FANCD2: variants seen among roughly 807,000 people sequenced by gnomAD.
FANCD2 encodes the protein FA complementation group D2.
In FANCD2, 131 loss-of-function variants were observed where a neutral mutation model predicts 192.3. That is an observed-to-expected ratio of 0.68 (90% CI 0.59 to 0.79). FANCD2 has a LOEUF of 0.79. FANCD2 is among the 30% of genes least tolerant of loss of function. The probability of loss-of-function intolerance (pLI) is 0.00; values close to 1 mark genes in which losing one functional copy is unlikely to be tolerated. For missense variants in FANCD2, 1,508 were observed against 1,701.6 expected (o/e 0.89, Z 2.00); for synonymous variants, 524 against 612.5 (o/e 0.86, Z 2.13).
At position 10,101,233 on chromosome 3, in the gene FANCD2, A is replaced by AGTGATGAGAGTT; in HGVS notation, c.4328_4339dup (p.Ser1446_Tyr1447insCysAspGluSer). 2 of 1,613,242 alleles carry AGTGATGAGAGTT rather than the reference A, an allele frequency of 1.2e-6. No individual in the cohort carries two copies. The highest frequency in any genetic ancestry group is 1.7e-6 in the Non-Finnish European group (2 of 1,179,294). On this transcript the variant is annotated inframe_insertion, in exon 44 of 44. Transcript: ENST00000675286. Reference sequence around the variant, plus strand: ...AAGTGCTGGAGAAAAGGAGCAAGATAGTGATGAGAGTTATGATGACTCTGA... The same window carrying AGTGATGAGAGTT: ...AAGTGCTGGAGAAAAGGAGCAAGATAGTGATGAGAGTTGTGATGAGAGTTATGATGACTCTGA...
chr3:10,031,663 C>T (rs374304935), intron 2 of FANCD2, among the ~76,000 whole-genome samples: 1 of 152,268 alleles, frequency 6.6e-6, no homozygotes, highest in East Asian at 1.9e-4. Context: ...TTAAACCTAT[C>T]TGAGCATTGT....
At chr3:10,043,257 C>G (rs2086910882) in intron 12 of FANCD2, 107 bp downstream of exon 12, 2 of 869,524 alleles carry the variant, frequency 2.3e-6, no homozygotes, top group African/African-American at 3.4e-5. Context: ...ACATTTACAT[C>G]TAGTATTATA....
At position 10,085,808 on chromosome 3, in the gene FANCD2, T is replaced by G. The variant is rs1427832846; in HGVS notation, c.3225-4T>G. On this transcript the variant is annotated splice_polypyrimidine_tract_variant and splice_region_variant and intron_variant, in intron 32 of 43. Transcript: ENST00000675286. The stretch of plus-strand genomic sequence containing the variant: ...GCTAACCCCTCTTACCTTGACTTCC[T>G]TAGGAGTGGATTTTCTCAACCTGAA... 2 of 1,602,884 alleles carry G rather than the reference T, an allele frequency of 1.2e-6. No individual in the cohort carries two copies. The highest frequency in any genetic ancestry group is 3.3e-5 in the Admixed American group (2 of 59,978).
Position 10,078,073 on chromosome 3 carries a change from T to C in FANCD2, c.2860-8T>C, listed in dbSNP as rs1449856758. ...TTCCTGGAACTAATCCTTTCCTCCATGTGACAGGCTACAGAAGTTGTGCAA... is the reference window on the plus strand; with the variant it reads ...TTCCTGGAACTAATCCTTTCCTCCACGTGACAGGCTACAGAAGTTGTGCAA... On this transcript the variant is annotated splice_region_variant and splice_polypyrimidine_tract_variant and intron_variant, in intron 29 of 43. Coordinates refer to ENST00000675286, the MANE Select transcript of FANCD2 (RefSeq NM_001018115.3). 1 of 1,571,198 alleles carries C rather than the reference T, an allele frequency of 6.4e-7. No homozygotes were observed. The highest frequency in any genetic ancestry group is 2.2e-5 in the East Asian group (1 of 44,644).
chr3:10,044,343 C>G (rs1038754261), intron 14 of FANCD2, among the ~76,000 whole-genome samples: 3 of 151,798 alleles, frequency 2.0e-5, no homozygotes, highest in Non-Finnish European at 4.4e-5. Flanking sequence ...TCTTATGTCT[C>G]TATTAATTCT....
At position 10,048,590 on chromosome 3, in the gene FANCD2, C is replaced by T. The variant is rs528861649; in HGVS notation, c.1413+539C>T. ...AAAGTGCTGGGATTATAGGCGTGAG[C>T]CATTGGGCCTGGCCGAGACACATTT... On this transcript the variant is annotated intron_variant, in intron 16 of 43. Transcript: ENST00000675286. Among the ~76,000 whole-genome samples the T allele has an allele frequency of 2.0e-5, 3 of 152,334 alleles. 1 individual carries two copies. The South Asian group carries it at 6.2e-4, about 32-fold the overall frequency.
In FANCD2 at chr3:10,098,818, A is replaced by G; in HGVS notation, c.4281+3A>G. ...CCTCCAAGAGCAAAGCCACTGAGGT[A>G]TCTCTACAAAACCCACCAGAGTCTG... On this transcript the variant is annotated splice_donor_region_variant and intron_variant, in intron 43 of 43. Coordinates refer to ENST00000675286, the MANE Select transcript of FANCD2 (RefSeq NM_001018115.3). 1 of 1,614,208 alleles carries G rather than the reference A, an allele frequency of 6.2e-7. No individual in the cohort carries two copies. Among genetic ancestry groups the G allele is most frequent in the South Asian group, 1.1e-5 (1 of 91,084 alleles).
intron 2 of FANCD2, among the ~76,000 whole-genome samples, chr3:10,031,191 G>A (rs2086582461): frequency 6.6e-6 from 1 of 152,058 alleles, no homozygotes; most frequent in Non-Finnish European, 1.5e-5. Context: ...GTCTCATTCT[G>A]ATTAAGGCTT....
chr3:10,100,314 C>G (rs1467999149), intron 43 of FANCD2, among the ~76,000 whole-genome samples: 1 of 152,234 alleles, frequency 6.6e-6, no homozygotes, highest in Non-Finnish European at 1.5e-5. Context: ...ATCTCTCATA[C>G]TAGTATCGTA....
chr3:10,098,134 T>C (rs1171870341), intron 42 of FANCD2, among the ~76,000 whole-genome samples: 2 of 152,238 alleles, frequency 1.3e-5, no homozygotes, highest in South Asian at 2.1e-4. Flanking sequence ...ATATGAAATA[T>C]ATAAAACAGC....
At position 10,101,616 on chromosome 3, in the gene FANCD2, C is replaced by G. The variant is rs1197071640; in HGVS notation, c.*354C>G. The G allele has an allele frequency of 5.9e-6, 2 of 336,608 alleles. No individual in the cohort carries two copies. 20.9% of individuals were successfully genotyped at this position (336,608 alleles called of 1,614,324 possible). On this transcript the variant is annotated 3_prime_UTR_variant, in exon 44 of 44. Transcript: ENST00000675286. ...GGCCAGATGGTCTCAATCTCCTGAA[C>G]TCATGATCCACCTGCCTCAGCCTCC...
intron 14 of FANCD2, among the ~76,000 whole-genome samples, chr3:10,044,431 G>A (rs1180113371): frequency 6.6e-6 from 1 of 151,836 alleles, no homozygotes; most frequent in African/African-American, 2.4e-5. Flanking sequence ...ACTTTGGGAG[G>A]CTGAGGCAGG....
intron 32 of FANCD2, among the ~76,000 whole-genome samples, chr3:10,082,650 C>G (rs755105473): frequency 1.3e-5 from 2 of 152,158 alleles, no homozygotes; most frequent in Non-Finnish European, 2.9e-5. Flanking sequence ...GACCCCCACT[C>G]TTCTTGATCC....
chr3:10,026,443 G>A lies in FANCD2; in HGVS notation c.-64G>A. 2.3e-6 allele frequency: 1 copy of A among 441,884 alleles called. No individual in the cohort carries two copies. Among genetic ancestry groups the A allele is most frequent in the Non-Finnish European group, 3.1e-6 (1 of 326,226 alleles). The allele number at this position is 441,884 out of a possible 1,614,324, so 27.4% of individuals were successfully genotyped here. ...GAGCGGCGTCGGGCCTGGCGGGAAA[G>A]TCGAAAACTACGGGCGGCGACGGCT... is the stretch of plus-strand genomic sequence containing the variant. On this transcript the variant is annotated 5_prime_UTR_variant, in exon 1 of 44. Transcript: ENST00000675286.
intron 30 of FANCD2, among the ~76,000 whole-genome samples, chr3:10,079,939 G>A (rs1404322174): frequency 2.0e-5 from 3 of 150,158 alleles, no homozygotes; most frequent in East Asian, 1.9e-4. Context: ...TTTTTGAGGC[G>A]GAGTCTTGCT....
At chr3:10,030,260 C>T (rs890199605) in intron 2 of FANCD2, among the ~76,000 whole-genome samples, 1 of 151,858 alleles carries the variant, frequency 6.6e-6, no homozygotes, top group African/African-American at 2.4e-5. Flanking sequence ...TCATGCCTGG[C>T]TAATTTTTGT....
chr3:10,083,177 A>G (rs889461856), intron 32 of FANCD2, among the ~76,000 whole-genome samples: 2 of 152,178 alleles, frequency 1.3e-5, no homozygotes, highest in African/African-American at 2.4e-5. Flanking sequence ...CAGTGAGCCA[A>G]GATTGCAACA....
At chr3:10,088,427 C>G (rs1694368954) in intron 34 of FANCD2, 22 bp from the exon 35 acceptor site, 3 of 1,470,958 alleles carry the variant, frequency 2.0e-6, no homozygotes, top group Non-Finnish European at 2.9e-6. Context: ...ATGTAAGATT[C>G]CTTTGTCTTC....
chr3:10,061,359 A>G (rs552693998), intron 19 of FANCD2, among the ~76,000 whole-genome samples: 1 of 152,288 alleles, frequency 6.6e-6, no homozygotes, highest in Admixed American at 6.5e-5. Flanking sequence ...ACCGGCTCAG[A>G]TAGTCATCAC....
Sources: allele counts gnomAD v4.1 joint callset (sites outside exome capture counted in the v4.1 genomes callset), GRCh38; gene constraint gnomAD v4.1.1; transcripts MANE v1.5; gene names NCBI Gene and HGNC (gene_info 2026-07-23, HGNC 2026-07-21).